The following MECOM variants were observed in gnomAD, a reference collection of about 807,000 sequenced individuals.
The protein encoded by MECOM is histone-lysine N-methyltransferase MECOM.
In MECOM, 13 loss-of-function variants were observed where a neutral mutation model predicts 116.3. The ratio of observed to expected loss-of-function variants is 0.11; its 90% CI spans 0.07 to 0.18. MECOM has a LOEUF of 0.18. Ranked by LOEUF, MECOM falls within the 10% of genes least tolerant of loss-of-function variation. The pLI is 1.00. For missense variants in MECOM, 1,299 were observed against 1,509.0 expected, an observed-to-expected ratio of 0.86 and a Z score of 2.31; for synonymous variants, 528 against 535.2, an observed-to-expected ratio of 0.99 and a Z score of 0.19.
chr3:169,141,982 T>C (rs1184435768), intron 3 of MECOM, among the ~76,000 whole-genome samples: 2 of 152,008 alleles, frequency 1.3e-5, no homozygotes, highest in Admixed American at 6.5e-5. Flanking sequence ...CATTAAGTCA[T>C]AAAACTGGCA....
chr3:169,159,950 A>G (rs1192379781), intron 2 of MECOM, among the ~76,000 whole-genome samples: 1 of 152,244 alleles, frequency 6.6e-6, no homozygotes, highest in Non-Finnish European at 1.5e-5. Flanking sequence ...TGTCTAGCAC[A>G]TACTAAGCAC....
chr3:169,439,790 AC>A, intron 1 of MECOM, among the ~76,000 whole-genome samples: 1 of 152,300 alleles, frequency 6.6e-6, no homozygotes, highest in Middle Eastern at 3.4e-3. Context: ...AAAACTGCAA[AC>A]CCAAAAGACA....
intron 2 of MECOM, among the ~76,000 whole-genome samples, chr3:169,236,720 A>T (rs911656982): frequency 7.2e-5 from 11 of 152,214 alleles, no homozygotes; most frequent in African/African-American, 2.7e-4. Flanking sequence ...TATGTAATAG[A>T]TGCTTTTCTC....
chr3:169,247,197 C>T (rs945237580), intron 2 of MECOM, among the ~76,000 whole-genome samples: 1 of 151,976 alleles, frequency 6.6e-6, no homozygotes. Flanking sequence ...ATAATAATTA[C>T]TATCATTCAG....
At chr3:169,578,807 A>G (rs1041489581) in intron 1 of MECOM, among the ~76,000 whole-genome samples, 7 of 152,166 alleles carry the variant, frequency 4.6e-5, no homozygotes, top group African/African-American at 1.7e-4. Context: ...GTCACTTTGA[A>G]TTTATCCATC....
intron 2 of MECOM, among the ~76,000 whole-genome samples, chr3:169,321,548 A>C (rs1720865198): frequency 6.6e-6 from 1 of 152,312 alleles, no homozygotes; most frequent in South Asian, 2.1e-4. Flanking sequence ...CTCAAAAAAA[A>C]AAAAGAGTTT....
intron 1 of MECOM, among the ~76,000 whole-genome samples, chr3:169,489,905 A>AAAATAG (rs1274606760): frequency 2.6e-5 from 4 of 152,212 alleles, no homozygotes; most frequent in Non-Finnish European, 5.9e-5. Flanking sequence ...GACTACTTCA[A>AAAATAG]AAATAGAAAT....
At chr3:169,456,232 G>A (rs1011094223) in intron 1 of MECOM, among the ~76,000 whole-genome samples, 2 of 152,024 alleles carry the variant, frequency 1.3e-5, no homozygotes, top group African/African-American at 4.8e-5. Flanking sequence ...TCACACCTGG[G>A]TCCTGCTCTT....
At chr3:169,107,681 T>A (rs1267188511) in intron 10 of MECOM, among the ~76,000 whole-genome samples, 1 of 152,186 alleles carries the variant, frequency 6.6e-6, no homozygotes, top group East Asian at 1.9e-4. Context: ...TATCAAGGTA[T>A]AATTATGTGG....
intron 1 of MECOM, among the ~76,000 whole-genome samples, chr3:169,633,417 C>T (rs572427193): frequency 2.1e-4 from 32 of 152,170 alleles, no homozygotes; most frequent in African/African-American, 6.3e-4. Context: ...TAGATGTGTG[C>T]GTGTGTGTGT....
intron 1 of MECOM, among the ~76,000 whole-genome samples, chr3:169,421,747 C>T (rs1021435400): frequency 1.3e-5 from 2 of 151,636 alleles, no homozygotes; most frequent in Admixed American, 6.6e-5. Flanking sequence ...TTCTGCATTA[C>T]GATTGGAAGA....
chr3:169,617,187 TAAAG>T (rs984044440), intron 1 of MECOM, among the ~76,000 whole-genome samples: 12 of 152,176 alleles, frequency 7.9e-5, no homozygotes, highest in Non-Finnish European at 1.3e-4. Context: ...AATTAAAAGA[TAAAG>T]AAAATTAAAA....
At chr3:169,359,435 T>C (rs1198008066) in intron 2 of MECOM, among the ~76,000 whole-genome samples, 1 of 151,736 alleles carries the variant, frequency 6.6e-6, no homozygotes, top group Non-Finnish European at 1.5e-5. Context: ...AACACTTGAG[T>C]GAAGCCCACC....
chr3:169,326,329 T>C (rs1721823264), intron 2 of MECOM, among the ~76,000 whole-genome samples: 1 of 152,144 alleles, frequency 6.6e-6, no homozygotes, highest in Non-Finnish European at 1.5e-5. Context: ...AGTATGTTAT[T>C]TGGAAAAGTC....
intron 1 of MECOM, among the ~76,000 whole-genome samples, chr3:169,639,818 T>C (rs570727997): frequency 2.4e-4 from 37 of 152,360 alleles, no homozygotes; most frequent in African/African-American, 8.7e-4. Context: ...TCTATACCTA[T>C]GACATGCACT....
At chr3:169,247,307 T>A (rs1755710936) in intron 2 of MECOM, among the ~76,000 whole-genome samples, 2 of 142,342 alleles carry the variant, frequency 1.4e-5, no homozygotes, top group African/African-American at 2.7e-5. Flanking sequence ...TAATACTTTT[T>A]TTTTTCTTTT....
At chr3:169,635,391 C>T (rs1208702997) in intron 1 of MECOM, among the ~76,000 whole-genome samples, 1 of 152,134 alleles carries the variant, frequency 6.6e-6, no homozygotes, top group Non-Finnish European at 1.5e-5. Context: ...GGTAAATACA[C>T]ACACCCTGAT....
At chr3:169,501,641 T>C (rs1018557195) in intron 1 of MECOM, among the ~76,000 whole-genome samples, 1 of 152,116 alleles carries the variant, frequency 6.6e-6, no homozygotes, top group Non-Finnish European at 1.5e-5. Context: ...CATTCTTTCC[T>C]ATGCCGTTGA....
chr3:169,540,290 C>G (rs1406407642), intron 1 of MECOM, among the ~76,000 whole-genome samples: 1 of 152,146 alleles, frequency 6.6e-6, no homozygotes, highest in Non-Finnish European at 1.5e-5. Context: ...TTCCCTCACT[C>G]CCACAACCAA....
Sources: allele counts gnomAD v4.1 joint callset (sites outside exome capture counted in the v4.1 genomes callset), GRCh38; gene constraint gnomAD v4.1.1; transcripts MANE v1.5; gene names NCBI Gene and HGNC (gene_info 2026-07-23, HGNC 2026-07-21).